MAGI1: variants seen among roughly 807,000 people sequenced by gnomAD.
MAGI1 encodes the protein membrane-associated guanylate kinase, WW and PDZ domain-containing protein 1.
MAGI1 carries 58 observed loss-of-function variants against 139.9 expected under a neutral mutation model. The observed-to-expected ratio is 0.41, with a 90% CI of 0.34 to 0.52. The LOEUF (loss-of-function observed/expected upper bound fraction) is 0.52, where lower values mean the gene tolerates loss of function less well. Among genes scored for constraint, MAGI1 ranks in the 20% least tolerant of loss-of-function variants. The pLI is 0.12. For missense variants in MAGI1, 1,874 were observed against 1,901.6 expected, an observed-to-expected ratio of 0.99 and a Z score of 0.27; for synonymous variants, 812 against 737.9, an observed-to-expected ratio of 1.10 and a Z score of -1.63.
chr3:65,634,006 A>G (rs866395380), intron 1 of MAGI1, among the ~76,000 whole-genome samples: 2 of 152,322 alleles, frequency 1.3e-5, no homozygotes, highest in Middle Eastern at 6.8e-3. Flanking sequence ...GATGACAGTG[A>G]ACACTGATTA....
At chr3:65,817,686 T>G (rs2041692295) in intron 1 of MAGI1, among the ~76,000 whole-genome samples, 1 of 152,228 alleles carries the variant, frequency 6.6e-6, no homozygotes, top group Admixed American at 6.5e-5. Flanking sequence ...TGTGCTCAAT[T>G]CATCAGTTGC....
chr3:65,905,114 G>T (rs1410065002), intron 1 of MAGI1, among the ~76,000 whole-genome samples: 1 of 152,108 alleles, frequency 6.6e-6, no homozygotes, highest in South Asian at 2.1e-4. Context: ...ATATCCCCAA[G>T]ATTCTGATTT....
At chr3:65,369,070 A>G (rs988448693) in intron 18 of MAGI1, among the ~76,000 whole-genome samples, 1 of 152,108 alleles carries the variant, frequency 6.6e-6, no homozygotes, top group African/African-American at 2.4e-5. Flanking sequence ...CTGTGCTGCC[A>G]TTGTGTATTT....
intron 16 of MAGI1, 120 bp from the exon 17 acceptor site, chr3:65,379,674 G>A (rs912126600): frequency 2.0e-6 from 3 of 1,477,146 alleles, no homozygotes; most frequent in Non-Finnish European, 1.8e-6. Flanking sequence ...GGAGGAGACA[G>A]CACCTGGTTT....
chr3:65,720,749 A>AAT (rs1553697028), intron 1 of MAGI1, among the ~76,000 whole-genome samples: 2 of 151,488 alleles, frequency 1.3e-5, no homozygotes, highest in African/African-American at 4.8e-5. Flanking sequence ...TGTTTGTTTT[A>AAT]TTTTTTTGTT....
intron 1 of MAGI1, among the ~76,000 whole-genome samples, chr3:65,949,544 A>C (rs1354095082): frequency 6.6e-6 from 1 of 152,230 alleles, no homozygotes; most frequent in Non-Finnish European, 1.5e-5. Flanking sequence ...GCACAGTATA[A>C]TATTCAACAT....
chr3:65,897,670 A>G (rs766457488), intron 1 of MAGI1, among the ~76,000 whole-genome samples: 20 of 151,828 alleles, frequency 1.3e-4, no homozygotes, highest in Non-Finnish European at 2.5e-4. Flanking sequence ...CAACAACAAC[A>G]ACAACAAAAA....
At chr3:65,656,399 A>T (rs568316795) in intron 1 of MAGI1, among the ~76,000 whole-genome samples, 2 of 152,334 alleles carry the variant, frequency 1.3e-5, no homozygotes, top group African/African-American at 4.8e-5. Context: ...CCGTTTTCAA[A>T]GTGTCTCAGA....
chr3:65,969,443 T>C (rs551824193), intron 1 of MAGI1, among the ~76,000 whole-genome samples: 22 of 152,254 alleles, frequency 1.4e-4, no homozygotes, highest in Middle Eastern at 3.4e-3. Flanking sequence ...ACCAAAAATA[T>C]CTCCAGATAT....
chr3:65,894,746 A>C (rs978190300), intron 1 of MAGI1, among the ~76,000 whole-genome samples: 1 of 152,248 alleles, frequency 6.6e-6, no homozygotes, highest in African/African-American at 2.4e-5. Flanking sequence ...TACAAACTCC[A>C]TCTGATGCCA....
At chr3:65,696,483 G>C (rs1386787653) in intron 1 of MAGI1, among the ~76,000 whole-genome samples, 2 of 152,026 alleles carry the variant, frequency 1.3e-5, no homozygotes, top group East Asian at 3.9e-4. Flanking sequence ...TACATAAGGA[G>C]TCCCCATTAA....
At chr3:65,422,064 G>C (rs115282497) in intron 12 of MAGI1, among the ~76,000 whole-genome samples, 3,645 of 152,200 alleles carry the variant, frequency 0.024, 150 homozygotes, top group African/African-American at 0.082. Context: ...CACTTCTGAG[G>C]GTGCAATAAT....
intron 7 of MAGI1, among the ~76,000 whole-genome samples, chr3:65,446,784 C>T (rs1265233781): frequency 6.6e-6 from 1 of 152,056 alleles, no homozygotes; most frequent in Admixed American, 6.6e-5. Flanking sequence ...CAGGGTGAAC[C>T]TTAAGTCATC....
chr3:65,356,137 G>A lies in MAGI1; in HGVS notation c.*241C>T, dbSNP rs553874761. ...TTTATATCCCTTTGGGCCAGCATTT[G>A]GCAAATAATTTCCAAAAAAGTATGC... On this transcript the variant is annotated 3_prime_UTR_variant, in exon 23 of 23. Coordinates refer to ENST00000402939, the MANE Select transcript of MAGI1 (RefSeq NM_001033057.2). 1.8e-3 allele frequency: 665 copies of A among 363,160 alleles called. 4 individuals are homozygous for A. Among genetic ancestry groups the A allele is most frequent in the Non-Finnish European group, 2.4e-3 (503 of 207,918 alleles). The allele number at this position is 363,160 out of a possible 1,614,324, so 22.5% of individuals were successfully genotyped here.
chr3:65,797,819 C>A (rs2108109603), intron 1 of MAGI1, among the ~76,000 whole-genome samples: 1 of 152,254 alleles, frequency 6.6e-6, no homozygotes, highest in East Asian at 1.9e-4. Flanking sequence ...GGAAAAATAA[C>A]ACAGATTTCT....
intron 1 of MAGI1, among the ~76,000 whole-genome samples, chr3:66,024,248 T>C (rs1378794427): frequency 6.6e-6 from 1 of 150,988 alleles, no homozygotes; most frequent in Non-Finnish European, 1.5e-5. Context: ...ATGTGTTTTG[T>C]TTGGTTCACC....
intron 1 of MAGI1, among the ~76,000 whole-genome samples, chr3:65,969,482 G>A (rs2064919345): frequency 6.6e-6 from 1 of 152,118 alleles, no homozygotes; most frequent in Admixed American, 6.5e-5. Flanking sequence ...GGATAAAATT[G>A]CCACTGACCT....
At chr3:66,034,135 A>T (rs2068787185) in intron 1 of MAGI1, among the ~76,000 whole-genome samples, 1 of 151,976 alleles carries the variant, frequency 6.6e-6, no homozygotes, top group Non-Finnish European at 1.5e-5. Context: ...AAAACACCCC[A>T]TGGTTGTTAC....
At chr3:65,700,404 C>A (rs2089514129) in intron 1 of MAGI1, among the ~76,000 whole-genome samples, 1 of 152,080 alleles carries the variant, frequency 6.6e-6, no homozygotes, top group East Asian at 1.9e-4. Flanking sequence ...GTGGAGATCA[C>A]ACCACTGGGC....
Sources: allele counts gnomAD v4.1 joint callset (sites outside exome capture counted in the v4.1 genomes callset), GRCh38; gene constraint gnomAD v4.1.1; transcripts MANE v1.5; gene names NCBI Gene and HGNC (gene_info 2026-07-23, HGNC 2026-07-21).